CSMD1: variants seen among roughly 807,000 people sequenced by gnomAD.
CSMD1 encodes CUB and Sushi multiple domains 1.
CSMD1 carries 213 observed loss-of-function variants against 417.5 expected under a neutral mutation model. The ratio of observed to expected loss-of-function variants is 0.51; its 90% CI spans 0.46 to 0.57. CSMD1 has a LOEUF of 0.57. Among genes scored for constraint, CSMD1 ranks in the 20% least tolerant of loss-of-function variants. CSMD1 has a pLI of 0.00. For synonymous variants in CSMD1, 2,862 were observed against 1,736.8 expected, an observed-to-expected ratio of 1.65 and a Z score of -16.11; for missense variants, 6,923 against 4,529.7, an observed-to-expected ratio of 1.53 and a Z score of -15.17.
intron 6 of CSMD1, among the ~76,000 whole-genome samples, chr8:3,721,552 T>A (rs1802175928): frequency 6.6e-6 from 1 of 152,216 alleles, no homozygotes; most frequent in Non-Finnish European, 1.5e-5. Flanking sequence ...TTAGGATTTT[T>A]AAATTATTAA....
rs890028660 is a variant in CSMD1, at chr8:3,114,476, G to C, written c.6430+3923C>G. 3.3e-5 allele frequency among the ~76,000 whole-genome samples: 5 copies of C among 150,260 alleles called. No individual in the cohort carries two copies. The East Asian group carries it at 9.7e-4, about 29-fold the overall frequency. Reference sequence around the variant, plus strand: ...ATATATATTAATATAAAAATATCTTGACTCTCAATATATCGAAGATACTGA... The same window carrying C: ...ATATATATTAATATAAAAATATCTTCACTCTCAATATATCGAAGATACTGA... On this transcript the variant is annotated intron_variant, in intron 42 of 69. Coordinates refer to ENST00000635120, the MANE Select transcript of CSMD1 (RefSeq NM_033225.6).
chr8:3,622,097 T>C (rs967591743), intron 7 of CSMD1, among the ~76,000 whole-genome samples: 4 of 152,162 alleles, frequency 2.6e-5, no homozygotes, highest in Admixed American at 1.3e-4. Flanking sequence ...GTCTGCACTA[T>C]GTGCTGGGGT....
At chr8:4,295,398 G>T (rs1334784681) in intron 3 of CSMD1, among the ~76,000 whole-genome samples, 1 of 140,912 alleles carries the variant, frequency 7.1e-6, no homozygotes, top group Non-Finnish European at 1.5e-5. Flanking sequence ...ATAATCTTAA[G>T]ATTATATAAT....
intron 6 of CSMD1, among the ~76,000 whole-genome samples, chr8:3,737,156 G>C (rs1253507440): frequency 1.4e-4 from 22 of 152,196 alleles, no homozygotes; most frequent in Admixed American, 1.4e-3. Context: ...GAGACAATTA[G>C]TTTAATAAAA....
chr8:3,473,668 CA>C (rs1817238084), intron 11 of CSMD1, among the ~76,000 whole-genome samples: 1 of 152,058 alleles, frequency 6.6e-6, no homozygotes, highest in Admixed American at 6.6e-5. Context: ...AGTAGGTGCT[CA>C]AATGAAGTCA....
intron 3 of CSMD1, among the ~76,000 whole-genome samples, chr8:4,044,143 G>C (rs1011340589): frequency 1.3e-5 from 2 of 152,112 alleles, no homozygotes; most frequent in African/African-American, 4.8e-5. Context: ...CATCTTAACA[G>C]TAAGAAAGAA....
intron 3 of CSMD1, among the ~76,000 whole-genome samples, chr8:4,234,729 C>T (rs1801943134): frequency 6.6e-6 from 1 of 152,086 alleles, no homozygotes; most frequent in Admixed American, 6.6e-5. Context: ...TCGCTGCTGC[C>T]GCTGAAAACT....
In CSMD1 at chr8:4,445,932, C is replaced by T. The variant is rs73660834; in HGVS notation, c.303-25867G>A. Among the ~76,000 whole-genome samples, 987 of 152,156 alleles carry T rather than the reference C, an allele frequency of 6.5e-3. 13 individuals are homozygous for T. The highest frequency in any genetic ancestry group is 0.023 in the African/African-American group (942 of 41,502). On this transcript the variant is annotated intron_variant, in intron 2 of 69. Coordinates refer to ENST00000635120, the MANE Select transcript of CSMD1 (RefSeq NM_033225.6). ...ACGTGACCTGGGCCTTTCAGCTGGT[C>T]AGAGAAAAAGTATTTCGGTGTTGAG...
At chr8:3,031,409 A>G (rs543382307) in intron 50 of CSMD1, among the ~76,000 whole-genome samples, 1 of 152,156 alleles carries the variant, frequency 6.6e-6, no homozygotes, top group African/African-American at 2.4e-5. Flanking sequence ...GCACATGTAT[A>G]CATGTGTAAC....
rs761651726 is a variant in CSMD1, at chr8:2,955,636, G to T, written c.9947C>A (p.Thr3316Lys). The T allele has an allele frequency of 2.5e-6, 4 of 1,613,714 alleles. No individual in the cohort carries two copies. In the African/African-American group the frequency reaches 4.0e-5, roughly 16 times the overall value. The part of the protein sequence containing the change: ...FFLAGGSEHR[T>K]CKADMKWTGK... The stretch of plus-strand genomic sequence containing the variant: ...TGTCCATTTCATGTCTGCTTTACAT[G>T]TTCTGTGCTCAGATCCCCCTGCGAG... The change falls in exon 64 of 70, where the codon ACA becomes AAA. Residue 3316 changes from threonine (T) to lysine (K), a missense_variant. Thr to Lys is a moderately conservative substitution (Grantham distance 78). Coordinates refer to ENST00000635120, the MANE Select transcript of CSMD1 (RefSeq NM_033225.6).
chr8:4,126,731 G>T (rs891849828), intron 3 of CSMD1, among the ~76,000 whole-genome samples: 1 of 152,146 alleles, frequency 6.6e-6, no homozygotes, highest in African/African-American at 2.4e-5. Context: ...CTCTCCGTTT[G>T]AAAAGCCAAC....
chr8:4,210,818 T>G (rs1382992701), intron 3 of CSMD1, among the ~76,000 whole-genome samples: 1 of 152,156 alleles, frequency 6.6e-6, no homozygotes, highest in African/African-American at 2.4e-5. Context: ...AGACTATCAG[T>G]CTTGGAAAGA....
intron 48 of CSMD1, 86 bp from the exon 49 acceptor site, chr8:3,087,371 A>G: frequency 6.0e-6 from 8 of 1,329,974 alleles, no homozygotes; most frequent in Non-Finnish European, 7.4e-6. Flanking sequence ...CTATAAATGA[A>G]TGGCTTCTCA....
intron 1 of CSMD1, among the ~76,000 whole-genome samples, chr8:4,925,459 C>G (rs1380895464): frequency 6.6e-6 from 1 of 151,876 alleles, no homozygotes; most frequent in African/African-American, 2.4e-5. Context: ...TCAAAATCAA[C>G]CATAAAATAT....
chr8:4,785,629 C>G (rs1165716129), intron 1 of CSMD1, among the ~76,000 whole-genome samples: 1 of 152,156 alleles, frequency 6.6e-6, no homozygotes, highest in South Asian at 2.1e-4. Flanking sequence ...AGCTCACACA[C>G]AGACTCAGAG....
chr8:4,194,540 T>C (rs1374179263), intron 3 of CSMD1, among the ~76,000 whole-genome samples: 1 of 152,204 alleles, frequency 6.6e-6, no homozygotes, highest in East Asian at 1.9e-4. Context: ...CTATTTTTAT[T>C]ATAATGTTGG....
At chr8:3,200,184 G>C (rs1471868129) in intron 32 of CSMD1, among the ~76,000 whole-genome samples, 1 of 151,978 alleles carries the variant, frequency 6.6e-6, no homozygotes, top group Non-Finnish European at 1.5e-5. Flanking sequence ...ATTTTTAAAA[G>C]TAACTGAATC....
intron 1 of CSMD1, among the ~76,000 whole-genome samples, chr8:4,917,491 G>A (rs570741975): frequency 2.0e-5 from 3 of 152,116 alleles, no homozygotes; most frequent in East Asian, 3.9e-4. Context: ...AAAATTAGCC[G>A]GGCATGGTGG....
At chr8:3,706,400 G>C (rs1801172139) in intron 7 of CSMD1, among the ~76,000 whole-genome samples, 1 of 152,092 alleles carries the variant, frequency 6.6e-6, no homozygotes, top group Non-Finnish European at 1.5e-5. Flanking sequence ...CCTTTCTTTG[G>C]AATGACACAT....
Sources: gnomAD v4.1 joint callset for allele counts (sites outside exome capture counted in the v4.1 genomes callset) on GRCh38, gnomAD v4.1.1 for gene constraint, MANE v1.5 for transcripts, NCBI Gene and HGNC (gene_info 2026-07-23, HGNC 2026-07-21) for gene names.